The following ADAMTS17 variants were observed in gnomAD, a reference collection of about 807,000 sequenced individuals.
ADAMTS17 encodes the protein ADAM metallopeptidase with thrombospondin type 1 motif 17.
In ADAMTS17, 113 loss-of-function variants were observed where a neutral mutation model predicts 141.5. The ratio of observed to expected loss-of-function variants is 0.80; its 90% CI spans 0.69 to 0.93. The LOEUF is 0.93. Among genes scored for constraint, ADAMTS17 ranks in the 40% least tolerant of loss-of-function variants. The pLI is 0.00. For synonymous variants in ADAMTS17, 768 were observed against 630.6 expected (o/e 1.22, Z -3.27); for missense variants, 1,659 against 1,517.9 (o/e 1.09, Z -1.54).
rs1159648524 is a variant in ADAMTS17 at position 100,072,040 on chromosome 15, T to C, written c.2138-17986A>G. Among the ~76,000 whole-genome samples the C allele has an allele frequency of 3.3e-5, 5 of 149,904 alleles. 1 individual carries two copies. The East Asian group carries it at 5.8e-4, about 17-fold the overall frequency. On this transcript the variant is annotated intron_variant, in intron 15 of 21. Transcript: ENST00000268070. ...TCAGCCCAAAATCTCCTTGAGCTGA[T>C]AGGCAACTTCCGCAAAGTCTGAGGA...
In ADAMTS17 at chr15:100,152,800, C is replaced by T. The variant is rs772333890; in HGVS notation, c.1323-38G>A. On this transcript the variant is annotated intron_variant, in intron 9 of 21. Transcript: ENST00000268070. ...AGAGGCAAGTTGACTTGCAAATGTA[C>T]TGCCTAGGTTTTTTTGTTTTCTTTT... 2.4e-5 allele frequency: 39 copies of T among 1,612,126 alleles called. No individual in the cohort carries two copies. The South Asian group carries it at 4.1e-4, about 17-fold the overall frequency.
chr15:100,091,209 G>C (rs2035448702), intron 15 of ADAMTS17, among the ~76,000 whole-genome samples: 1 of 151,512 alleles, frequency 6.6e-6, no homozygotes, highest in Non-Finnish European at 1.5e-5. Flanking sequence ...AAGTCCCAAA[G>C]CACCCTGGCG....
At position 100,026,968 on chromosome 15, in the gene ADAMTS17, G is replaced by A. The variant is rs529035417; in HGVS notation, c.2591+21889C>T. Among the ~76,000 whole-genome samples the A allele has an allele frequency of 5.9e-5, 9 of 152,358 alleles. No individual in the cohort carries two copies. The South Asian group carries it at 1.9e-3, about 32-fold the overall frequency. ...TCCTTGCCAAAACATACTATCATCT[G>A]TCTTTTCTATTTCAATCAGTCTAGT... On this transcript the variant is annotated intron_variant, in intron 18 of 21. Transcript: ENST00000268070.
chr15:100,168,890 G>T (rs988724614), intron 8 of ADAMTS17, among the ~76,000 whole-genome samples: 1 of 152,204 alleles, frequency 6.6e-6, no homozygotes, highest in South Asian at 2.1e-4. Context: ...CCCTGATTCA[G>T]AGGACCCTCC....
Position 100,053,976 on chromosome 15 carries a change from G to A in ADAMTS17, c.2216C>T (p.Thr739Ile), listed in dbSNP as rs1173886058. The change falls in exon 16 of 22, where the codon ACA (threonine) becomes ATA (isoleucine). Residue 739 changes from threonine (T) to isoleucine (I), a missense_variant. Physicochemically the swap from Thr to Ile is moderately conservative, Grantham distance 89. Transcript: ENST00000268070. ...CCCCCTTCTCACATAGCGAACAGTTGTGCCTGCAATCTGGAACTCTCCGGG... is the reference window on the plus strand; with the variant it reads ...CCCCCTTCTCACATAGCGAACAGTTATGCCTGCAATCTGGAACTCTCCGGG... ...ELPGEFQIAG[T>I]TVRYVRRGLW... 3 of 1,614,208 alleles carry A rather than the reference G, an allele frequency of 1.9e-6. No individual in the cohort carries two copies. Among genetic ancestry groups the A allele is most frequent in the African/African-American group, 1.3e-5 (1 of 75,048 alleles).
chr15:100,107,124 T>C (rs2036458365), intron 14 of ADAMTS17, among the ~76,000 whole-genome samples: 1 of 152,192 alleles, frequency 6.6e-6, no homozygotes, highest in African/African-American at 2.4e-5. Flanking sequence ...AAAGCATCTG[T>C]TTGGGTGGAA....
intron 7 of ADAMTS17, among the ~76,000 whole-genome samples, chr15:100,199,643 C>T (rs553231604): frequency 4.6e-4 from 70 of 152,302 alleles, no homozygotes; most frequent in Non-Finnish European, 9.3e-4. Flanking sequence ...ATCTAATACG[C>T]GTCGGGGGTG....
intron 7 of ADAMTS17, among the ~76,000 whole-genome samples, chr15:100,210,414 A>G (rs2041763443): frequency 6.6e-6 from 1 of 152,104 alleles, no homozygotes; most frequent in Non-Finnish European, 1.5e-5. Flanking sequence ...GGTGAGGTAC[A>G]TATTGTTATT....
Position 100,206,743 on chromosome 15 carries a change from G to A in ADAMTS17, c.1076-7320C>T, listed in dbSNP as rs541154242. ...TTCCATGGGGTCAGATATCCCCAAA[G>A]GGAATCTGGGAATGGATCGAATCTC... On this transcript the variant is annotated intron_variant, in intron 7 of 21. Transcript: ENST00000268070. 4.6e-5 allele frequency among the ~76,000 whole-genome samples: 7 copies of A among 152,300 alleles called. No individual in the cohort carries two copies. In the South Asian group the frequency reaches 6.2e-4, roughly 14 times the overall value.
intron 2 of ADAMTS17, among the ~76,000 whole-genome samples, chr15:100,339,719 G>C (rs1312712335): frequency 6.6e-6 from 1 of 151,802 alleles, no homozygotes; most frequent in Non-Finnish European, 1.5e-5. Flanking sequence ...CCCCCTCCAA[G>C]GGTCTATATC....
intron 18 of ADAMTS17, among the ~76,000 whole-genome samples, chr15:100,042,441 T>G (rs1391281780): frequency 2.6e-5 from 4 of 152,242 alleles, no homozygotes; most frequent in African/African-American, 9.6e-5. Flanking sequence ...GATTTCTTTC[T>G]TCTTTTTCTT....
chr15:100,285,294 G>T lies in ADAMTS17; in HGVS notation c.617-3893C>A, dbSNP rs183523518. 2.0e-5 allele frequency among the ~76,000 whole-genome samples: 3 copies of T among 152,308 alleles called. No individual in the cohort carries two copies. In the East Asian group the frequency reaches 5.8e-4, roughly 29 times the overall value. On this transcript the variant is annotated intron_variant, in intron 3 of 21. Coordinates refer to ENST00000268070, the MANE Select transcript of ADAMTS17 (RefSeq NM_139057.4). The stretch of plus-strand genomic sequence containing the variant: ...CTTCAAATTACAATTTACTCTAGAC[G>T]TTTGGGGACTGCCAAAAATGTTGAG...
intron 7 of ADAMTS17, among the ~76,000 whole-genome samples, chr15:100,243,440 A>C (rs11855658): frequency 0.024 from 3,652 of 152,316 alleles, 153 homozygotes; most frequent in African/African-American, 0.084. Flanking sequence ...CCAGCAGTGC[A>C]CAAGGGTTCC....
rs192327761 is a variant in ADAMTS17, at chr15:100,010,046, A to G, written c.2592-12457T>C. Among the ~76,000 whole-genome samples the G allele has an allele frequency of 7.9e-5, 12 of 152,324 alleles. 1 individual carries two copies. The highest frequency in any genetic ancestry group is 2.9e-4 in the African/African-American group (12 of 41,572). ...TCCCGTGCTGTTCTCAAGATAGCGA[A>G]TAAGTCTTGAGATCTGATGGTTTTA... On this transcript the variant is annotated intron_variant, in intron 18 of 21. Coordinates refer to ENST00000268070, the MANE Select transcript of ADAMTS17 (RefSeq NM_139057.4).
intron 3 of ADAMTS17, 27 bp downstream of exon 3, chr15:100,330,862 G>C: frequency 4.3e-6 from 7 of 1,613,346 alleles, no homozygotes; most frequent in Non-Finnish European, 5.9e-6. Flanking sequence ...TGTGTTCTAA[G>C]CTGGTCATGC....
At chr15:100,326,147 C>T (rs759887261) in intron 3 of ADAMTS17, among the ~76,000 whole-genome samples, 30 of 152,134 alleles carry the variant, frequency 2.0e-4, no homozygotes, top group East Asian at 5.8e-4. Context: ...TTTCTCTTTG[C>T]GGAATAATAA....
At chr15:100,231,585 G>A (rs1269268457) in intron 7 of ADAMTS17, among the ~76,000 whole-genome samples, 1 of 152,198 alleles carries the variant, frequency 6.6e-6, no homozygotes, top group East Asian at 1.9e-4. Flanking sequence ...AAGTGTTACA[G>A]AAGCTGATCA....
chr15:100,141,186 G>C (rs2038631140), intron 10 of ADAMTS17, among the ~76,000 whole-genome samples: 2 of 152,162 alleles, frequency 1.3e-5, no homozygotes, highest in Admixed American at 1.3e-4. Context: ...TTCCTCGAGC[G>C]GCTGCATGAT....
At chr15:100,104,149 C>G (rs1292721213) in intron 14 of ADAMTS17, among the ~76,000 whole-genome samples, 1 of 152,218 alleles carries the variant, frequency 6.6e-6, no homozygotes, top group Non-Finnish European at 1.5e-5. Context: ...ATGGGCAAAG[C>G]CGCGCGTCAG....
Sources: gnomAD v4.1 joint callset for allele counts (sites outside exome capture counted in the v4.1 genomes callset) on GRCh38, gnomAD v4.1.1 for gene constraint, MANE v1.5 for transcripts, NCBI Gene and HGNC (gene_info 2026-07-23, HGNC 2026-07-21) for gene names.